RBPJ: variants seen among roughly 807,000 people sequenced by gnomAD.
The protein encoded by RBPJ is recombining binding protein suppressor of hairless.
Under a neutral mutation model 67.8 loss-of-function variants are expected in RBPJ, and 9 were observed. That is an observed-to-expected ratio of 0.13 (90% CI 0.08 to 0.23). The LOEUF is 0.23. Among genes scored for constraint, RBPJ ranks in the 10% least tolerant of loss-of-function variants. The pLI is 1.00. For missense variants in RBPJ, 305 were observed against 595.6 expected, an observed-to-expected ratio of 0.51 and a Z score of 5.08; for synonymous variants, 198 against 203.3, an observed-to-expected ratio of 0.97 and a Z score of 0.22.
At position 26,264,267 on chromosome 4, in the gene RBPJ, C is replaced by T. The variant is rs539952181; in HGVS notation, c.-166-98179C>T. On this transcript the variant is annotated intron_variant, in intron 1 of 4. Coordinates refer to the RBPJ transcript ENST00000512351. This position sits in a 1 kb window ranked among gnomAD's most constrained non-coding sequence, Gnocchi z 4.1. ...ATTAATCAATGAATACTTATTAATT[C>T]AAATCAATGAATACTTATTAATTCA... Among the ~76,000 whole-genome samples the T allele has an allele frequency of 2.6e-5, 4 of 152,102 alleles. No individual in the cohort carries two copies. The highest frequency in any genetic ancestry group is 2.0e-4 in the Admixed American group (3 of 15,270).
intron 1 of RBPJ, among the ~76,000 whole-genome samples, chr4:26,334,729 C>T (rs553721823): frequency 6.6e-6 from 1 of 152,020 alleles, no homozygotes. Flanking sequence ...TTTTACCAGA[C>T]CCCCAAACCT....
intron 3 of RBPJ, chr4:26,413,105 C>G (rs560709892): frequency 6.6e-6 from 1 of 152,490 alleles, no homozygotes; most frequent in African/African-American, 2.4e-5. Flanking sequence ...TCTACTTGTC[C>G]GCTACCTCTG....
intron 1 of RBPJ, among the ~76,000 whole-genome samples, chr4:26,246,379 A>G (rs866646206): frequency 5.9e-5 from 9 of 152,212 alleles, no homozygotes; most frequent in Non-Finnish European, 1.3e-4. Context: ...ATCACTAGAA[A>G]TTTGACTTTG....
At chr4:26,285,886 G>A (rs781176382) in intron 1 of RBPJ, among the ~76,000 whole-genome samples, 3 of 152,142 alleles carry the variant, frequency 2.0e-5, no homozygotes, top group Admixed American at 6.5e-5. Context: ...TACCCACTGA[G>A]AGAGTATTCA....
intron 1 of RBPJ, among the ~76,000 whole-genome samples, chr4:26,249,660 C>T (rs1720036126): frequency 6.6e-6 from 1 of 151,954 alleles, no homozygotes; most frequent in Non-Finnish European, 1.5e-5. Flanking sequence ...GACTCTGTCA[C>T]ACACACACAA....
chr4:26,186,509 C>T (rs1356781909), intron 1 of RBPJ, among the ~76,000 whole-genome samples: 3 of 152,168 alleles, frequency 2.0e-5, no homozygotes, highest in Non-Finnish European at 2.9e-5. Flanking sequence ...TGCCTGTGCC[C>T]TGTGGACCCA....
chr4:26,188,679 C>T (rs1168386750), intron 1 of RBPJ, among the ~76,000 whole-genome samples: 4 of 152,118 alleles, frequency 2.6e-5, no homozygotes, highest in African/African-American at 9.7e-5. Flanking sequence ...CATCATATAA[C>T]CTAATTTTCA....
Position 26,430,984 on chromosome 4 carries a change from T to A in RBPJ, c.1441T>A (p.Ser481Thr), listed in dbSNP as rs1276426921. Residue 481 changes from serine to threonine, a missense_variant, in exon 11 of 11, where the codon TCT (serine) becomes ACT (threonine). By Grantham distance (58) the Ser-to-Thr change is moderately conservative. Coordinates refer to ENST00000355476, the MANE Select transcript of RBPJ (RefSeq NM_015874.6). This position sits in a 1 kb window ranked among gnomAD's most constrained non-coding sequence, Gnocchi z 4.1. ...CACAAATTCAACCAGTGTCACATCATCTACAGCCACAGTGGTATCCTAACT... is the reference window on the plus strand; with the variant it reads ...CACAAATTCAACCAGTGTCACATCAACTACAGCCACAGTGGTATCCTAACT... Reference protein sequence around the residue: ...ASTNSTSVTSSTATVVS With the variant: ...ASTNSTSVTSTTATVVS The A allele has an allele frequency of 6.2e-7, 1 of 1,613,810 alleles. No individual in the cohort carries two copies. Among genetic ancestry groups the A allele is most frequent in the Non-Finnish European group, 8.5e-7 (1 of 1,179,944 alleles).
intron 1 of RBPJ, among the ~76,000 whole-genome samples, chr4:26,195,378 C>T (rs1717718438): frequency 6.6e-6 from 1 of 152,082 alleles, no homozygotes; most frequent in Non-Finnish European, 1.5e-5. Flanking sequence ...TACAGCAGAA[C>T]ATTATTCAGT....
At chr4:26,233,513 C>A (rs1332956263) in intron 1 of RBPJ, among the ~76,000 whole-genome samples, 1 of 152,214 alleles carries the variant, frequency 6.6e-6, no homozygotes, top group Non-Finnish European at 1.5e-5. Flanking sequence ...ACTTCGTATG[C>A]GTCATGTTAG....
rs555556691 is a variant in RBPJ, at chr4:26,367,081, G to A, written c.21-19272G>A. On this transcript the variant is annotated intron_variant, in intron 1 of 10. Transcript: ENST00000355476. ...GGAGGTTGCAGTGAGCTGAGGTCGCGCCACTGCACTTCAGCCTGGGCGACA... is the reference window on the plus strand; with the variant it reads ...GGAGGTTGCAGTGAGCTGAGGTCGCACCACTGCACTTCAGCCTGGGCGACA... Among the ~76,000 whole-genome samples the A allele has an allele frequency of 3.2e-4, 48 of 152,032 alleles. 1 individual carries two copies. In the South Asian group the frequency reaches 8.9e-3, roughly 28 times the overall value.
intron 2 of RBPJ, among the ~76,000 whole-genome samples, chr4:26,400,838 T>TA (rs960480431): frequency 9.8e-5 from 15 of 152,324 alleles, no homozygotes; most frequent in African/African-American, 3.6e-4. Context: ...TGTGAACAGT[T>TA]ACATCCAGTA....
At chr4:26,410,084 G>T in intron 3 of RBPJ, 2 of 453,876 alleles carry the variant, frequency 4.4e-6, no homozygotes, top group South Asian at 3.1e-5. Context: ...TAGCCCTCTG[G>T]ATGTCTGTCA....
chr4:26,138,953 G>A, the RBPJ span, among the ~76,000 whole-genome samples: 29 of 152,336 alleles, frequency 1.9e-4, no homozygotes, highest in East Asian at 3.3e-3. Flanking sequence ...ATTGCTCTGC[G>A]CTCAAGAGGA....
intron 1 of RBPJ, among the ~76,000 whole-genome samples, chr4:26,362,791 A>T (rs942523332): frequency 6.6e-6 from 1 of 152,174 alleles, no homozygotes; most frequent in Admixed American, 6.5e-5. Context: ...TTATGGTAGT[A>T]TTTTTTGTTA....
chr4:26,122,555 A>G, the RBPJ span, among the ~76,000 whole-genome samples: 1 of 152,222 alleles, frequency 6.6e-6, no homozygotes, highest in Non-Finnish European at 1.5e-5. Flanking sequence ...ACTGGTTAGG[A>G]GGAACGCTTA....
At position 26,233,240 on chromosome 4, in the gene RBPJ, C is replaced by T. The variant is rs150369145; in HGVS notation, c.-167+69626C>T. Among the ~76,000 whole-genome samples the T allele has an allele frequency of 1.6e-4, 25 of 152,236 alleles. No homozygotes were observed. In the East Asian group the frequency reaches 3.9e-3, roughly 24 times the overall value. On this transcript the variant is annotated intron_variant, in intron 1 of 4. Coordinates refer to the RBPJ transcript ENST00000512351. ...ATGTATGGAGCTATAAATTAAAATA[C>T]TGGGGGGGAAAACTATAAATGATTA...
intron 1 of RBPJ, among the ~76,000 whole-genome samples, chr4:26,339,190 G>T (rs558183860): frequency 2.0e-5 from 3 of 152,102 alleles, no homozygotes; most frequent in Non-Finnish European, 4.4e-5. Flanking sequence ...TTACTTGAAC[G>T]TGGTGTTTAG....
intron 1 of RBPJ, among the ~76,000 whole-genome samples, chr4:26,291,183 G>A (rs887575814): frequency 1.3e-5 from 2 of 150,944 alleles, no homozygotes; most frequent in African/African-American, 4.9e-5. Context: ...AGGCGAGTAG[G>A]GGGAGAAGCC....
Sources: gnomAD v4.1 joint callset for allele counts (sites outside exome capture counted in the v4.1 genomes callset) on GRCh38, gnomAD v4.1.1 for gene constraint, Gnocchi (gnomAD v3.1) non-coding constraint, MANE v1.5 for transcripts, NCBI Gene and HGNC (gene_info 2026-07-23, HGNC 2026-07-21) for gene names.